The following TEAD1 variants were observed in gnomAD, a reference collection of about 807,000 sequenced individuals.
TEAD1 encodes the protein transcriptional enhancer factor TEF-1.
In TEAD1, 9 loss-of-function variants were observed where a neutral mutation model predicts 54.9. The observed-to-expected ratio is 0.16, with a 90% CI of 0.10 to 0.29. The LOEUF (loss-of-function observed/expected upper bound fraction) is 0.29, where lower values mean the gene tolerates loss of function less well. Ranked by LOEUF, TEAD1 falls within the 10% of genes least tolerant of loss-of-function variation. The probability of loss-of-function intolerance (pLI) is 1.00; values close to 1 mark genes in which losing one functional copy is unlikely to be tolerated. For missense variants in TEAD1, 387 were observed against 535.9 expected (o/e 0.72, Z 2.74); for synonymous variants, 200 against 187.8 (o/e 1.07, Z -0.53).
intron 10 of TEAD1, among the ~76,000 whole-genome samples, chr11:12,923,420 G>A (rs991949507): frequency 7.2e-5 from 11 of 152,206 alleles, no homozygotes; most frequent in Non-Finnish European, 2.9e-5. Flanking sequence ...GTGTCCCCCC[G>A]TACCTCTCTC....
chr11:12,772,780 A>G (rs561575215), intron 3 of TEAD1, among the ~76,000 whole-genome samples: 3 of 152,270 alleles, frequency 2.0e-5, no homozygotes, highest in East Asian at 3.9e-4. Flanking sequence ...CACACAACCC[A>G]GTGATACGAC....
chr11:12,839,574 A>G (rs746852881), intron 3 of TEAD1, among the ~76,000 whole-genome samples: 1 of 152,210 alleles, frequency 6.6e-6, no homozygotes, highest in Non-Finnish European at 1.5e-5. Flanking sequence ...GGTAACAGAA[A>G]TTACAGGATA....
At chr11:12,683,894 G>T (rs1279357252) in intron 2 of TEAD1, among the ~76,000 whole-genome samples, 3 of 152,168 alleles carry the variant, frequency 2.0e-5, no homozygotes, top group Non-Finnish European at 4.4e-5. Flanking sequence ...ACTTGCTAGT[G>T]TGGCCTTGCA....
At chr11:12,761,706 A>C (rs1945106090) in intron 2 of TEAD1, among the ~76,000 whole-genome samples, 1 of 152,174 alleles carries the variant, frequency 6.6e-6, no homozygotes, top group South Asian at 2.1e-4. Flanking sequence ...TGCTTCTGTC[A>C]TACCTAAATG....
At chr11:12,910,173 TCA>T (rs1177769621) in intron 10 of TEAD1, among the ~76,000 whole-genome samples, 1 of 152,212 alleles carries the variant, frequency 6.6e-6, no homozygotes, top group East Asian at 1.9e-4. Flanking sequence ...TGAGTATGAT[TCA>T]GTCATGCATC....
At chr11:12,717,657 CTG>C (rs1391703098) in intron 2 of TEAD1, among the ~76,000 whole-genome samples, 1 of 152,144 alleles carries the variant, frequency 6.6e-6, no homozygotes, top group African/African-American at 2.4e-5. Context: ...TGGGAAGCAT[CTG>C]GAAGTCAAGG....
intron 3 of TEAD1, among the ~76,000 whole-genome samples, chr11:12,781,013 A>G (rs1406821955): frequency 6.6e-6 from 1 of 152,232 alleles, no homozygotes; most frequent in East Asian, 1.9e-4. Context: ...CATATCATCA[A>G]TGGAGTAGAA....
chr11:12,691,825 T>C (rs73421938), intron 2 of TEAD1, among the ~76,000 whole-genome samples: 10 of 152,298 alleles, frequency 6.6e-5, no homozygotes, highest in African/African-American at 2.4e-4. Flanking sequence ...GGCTGCAAGC[T>C]GTATTTCGAT....
At chr11:12,914,579 C>G (rs1045776710) in intron 10 of TEAD1, among the ~76,000 whole-genome samples, 1 of 152,232 alleles carries the variant, frequency 6.6e-6, no homozygotes, top group Admixed American at 6.5e-5. Flanking sequence ...CCCCACCCAC[C>G]CCAAGCCTCT....
intron 5 of TEAD1, among the ~76,000 whole-genome samples, chr11:12,876,779 T>C (rs987586416): frequency 1.3e-5 from 2 of 152,098 alleles, no homozygotes; most frequent in Non-Finnish European, 2.9e-5. Flanking sequence ...AAGTGACTGG[T>C]CTAAGAGAAA....
Position 12,724,201 on chromosome 11 carries a change from G to A in TEAD1, c.-54-39978G>A, listed in dbSNP as rs74439975. Among the ~76,000 whole-genome samples, 1,188 of 152,274 alleles carry A rather than the reference G, an allele frequency of 7.8e-3. 21 individuals carry two copies. The highest frequency in any genetic ancestry group is 0.027 in the African/African-American group (1,135 of 41,550). ...CTGAGAAAGACACACACTCTCTTGGGTGTGCACGTAGTTTATTGAGCTCGT... is the reference window on the plus strand; with the variant it reads ...CTGAGAAAGACACACACTCTCTTGGATGTGCACGTAGTTTATTGAGCTCGT... On this transcript the variant is annotated intron_variant, in intron 2 of 12. Transcript: ENST00000527636.
chr11:12,762,626 A>ATT (rs575636095), intron 2 of TEAD1, among the ~76,000 whole-genome samples: 1 of 149,770 alleles, frequency 6.7e-6, no homozygotes, highest in African/African-American at 2.4e-5. Context: ...TTTTTTGTGT[A>ATT]TTTTTTTTTT....
intron 2 of TEAD1, among the ~76,000 whole-genome samples, chr11:12,728,005 G>C (rs1435949466): frequency 3.3e-5 from 5 of 152,078 alleles, no homozygotes. Flanking sequence ...ACCTGGGTGT[G>C]TCAGGCATCT....
At chr11:12,697,262 T>C (rs1288373926) in intron 2 of TEAD1, among the ~76,000 whole-genome samples, 2 of 151,162 alleles carry the variant, frequency 1.3e-5, no homozygotes, top group Non-Finnish European at 2.9e-5. Flanking sequence ...AGTGCACAGG[T>C]GAGTACTTCC....
At chr11:12,844,959 CTTTTTTTTTTTTT>C (rs3046338) in intron 3 of TEAD1, among the ~76,000 whole-genome samples, 6 of 64,660 alleles carry the variant, frequency 9.3e-5, no homozygotes, top group African/African-American at 2.6e-4. Flanking sequence ...TGTATGAAAT[CTTTTTTTTTTTTT>C]TTTTTTTTTT....
intron 2 of TEAD1, among the ~76,000 whole-genome samples, chr11:12,696,927 G>A (rs1322386048): frequency 1.3e-5 from 2 of 152,054 alleles, no homozygotes; most frequent in African/African-American, 4.8e-5. Flanking sequence ...GAACAAGAAG[G>A]GCTACCCACT....
At chr11:12,901,086 C>G (rs1367046217) in intron 9 of TEAD1, among the ~76,000 whole-genome samples, 1 of 152,056 alleles carries the variant, frequency 6.6e-6, no homozygotes, top group Non-Finnish European at 1.5e-5. Flanking sequence ...CAGTTTAATC[C>G]AGATTATGCC....
intron 3 of TEAD1, among the ~76,000 whole-genome samples, chr11:12,782,295 A>G (rs768597855): frequency 6.6e-6 from 1 of 152,248 alleles, no homozygotes; most frequent in South Asian, 2.1e-4. Flanking sequence ...TGAAGTCTTA[A>G]TATGTACCAC....
intron 3 of TEAD1, among the ~76,000 whole-genome samples, chr11:12,846,266 A>G (rs1590207361): frequency 1.9e-5 from 2 of 108,082 alleles, no homozygotes; most frequent in African/African-American, 7.2e-5. Flanking sequence ...CAGAGCCTCC[A>G]CAGGCTCAGT....
Sources: gnomAD v4.1 joint callset for allele counts (sites outside exome capture counted in the v4.1 genomes callset) on GRCh38, gnomAD v4.1.1 for gene constraint, MANE v1.5 for transcripts, NCBI Gene and HGNC (gene_info 2026-07-23, HGNC 2026-07-21) for gene names.